GALNTL6: variants seen among roughly 807,000 people sequenced by gnomAD.
The protein encoded by GALNTL6 is polypeptide N-acetylgalactosaminyltransferase like 6, also known as polypeptide N-acetylgalactosaminyltransferase-like 6.
GALNTL6 carries 46 observed loss-of-function variants against 73.7 expected under a neutral mutation model. The observed-to-expected ratio is 0.62, with a 90% CI of 0.49 to 0.80. GALNTL6 has a LOEUF of 0.80. GALNTL6 is among the 30% of genes least tolerant of loss of function. The pLI is 0.00. For synonymous variants in GALNTL6, 259 were observed against 263.7 expected, an observed-to-expected ratio of 0.98 and a Z score of 0.17; for missense variants, 604 against 755.0, an observed-to-expected ratio of 0.80 and a Z score of 2.34.
chr4:171,901,247 T>G (rs1737084674), intron 2 of GALNTL6, among the ~76,000 whole-genome samples: 1 of 152,190 alleles, frequency 6.6e-6, no homozygotes, highest in Non-Finnish European at 1.5e-5. Context: ...GAATAAAATC[T>G]TGGTGACAAG....
chr4:172,100,931 G>A (rs1371876871), intron 2 of GALNTL6, among the ~76,000 whole-genome samples: 2 of 152,040 alleles, frequency 1.3e-5, no homozygotes, highest in Admixed American at 6.6e-5. Context: ...TTAAAATCTC[G>A]GGGCACAAAT....
chr4:172,737,881 AT>A (rs1258985871), intron 5 of GALNTL6, among the ~76,000 whole-genome samples: 1 of 152,102 alleles, frequency 6.6e-6, no homozygotes, highest in Non-Finnish European at 1.5e-5. Flanking sequence ...CCTGTCCCAA[AT>A]TGGGAAGGTC....
chr4:172,030,540 T>C (rs1468261082), intron 2 of GALNTL6, among the ~76,000 whole-genome samples: 1 of 151,754 alleles, frequency 6.6e-6, no homozygotes, highest in Non-Finnish European at 1.5e-5. Flanking sequence ...GCAAAACCCG[T>C]CTCTACCAAA....
chr4:171,923,683 G>A (rs1350292786), intron 2 of GALNTL6, among the ~76,000 whole-genome samples: 1 of 151,290 alleles, frequency 6.6e-6, no homozygotes, highest in Non-Finnish European at 1.5e-5. Context: ...TGGGATTACA[G>A]GTGTGGACCC....
At chr4:172,712,745 CA>C (rs1051573994) in intron 5 of GALNTL6, among the ~76,000 whole-genome samples, 1 of 152,156 alleles carries the variant, frequency 6.6e-6, no homozygotes, top group Non-Finnish European at 1.5e-5. Context: ...GCTTGTACAA[CA>C]AGGCCTGGAA....
At chr4:172,877,425 C>A (rs186457583) in intron 7 of GALNTL6, among the ~76,000 whole-genome samples, 1 of 152,074 alleles carries the variant, frequency 6.6e-6, no homozygotes, top group Admixed American at 6.5e-5. Context: ...GCATTAAGTA[C>A]TGTATCTTGG....
chr4:172,923,745 G>A (rs556566255), intron 8 of GALNTL6, among the ~76,000 whole-genome samples: 9 of 152,184 alleles, frequency 5.9e-5, no homozygotes, highest in African/African-American at 1.9e-4. Context: ...CACATGGCTG[G>A]GGAGGCCTCA....
intron 2 of GALNTL6, 65 bp from the exon 3 acceptor site, chr4:172,229,591 G>C (rs996498700): frequency 4.4e-6 from 4 of 901,870 alleles, no homozygotes; most frequent in Non-Finnish European, 7.3e-6. Flanking sequence ...GTGCCCGGCT[G>C]TGTTTACCTA....
intron 5 of GALNTL6, among the ~76,000 whole-genome samples, chr4:172,515,222 G>A (rs897753751): frequency 6.6e-6 from 1 of 152,202 alleles, no homozygotes; most frequent in African/African-American, 2.4e-5. Context: ...CAATTTAAAG[G>A]AATTCAGTTA....
intron 3 of GALNTL6, among the ~76,000 whole-genome samples, chr4:172,240,038 T>TG (rs1451320593): frequency 1.3e-5 from 2 of 152,206 alleles, no homozygotes; most frequent in Non-Finnish European, 2.9e-5. Flanking sequence ...GTATGTGTCT[T>TG]GGGGTTCTCT....
rs140019408 is a variant in GALNTL6, at chr4:172,860,214, T to C, written c.924-22576T>C. Among the ~76,000 whole-genome samples the C allele has an allele frequency of 1.1e-4, 16 of 152,280 alleles. No homozygotes were observed. The East Asian group carries it at 3.1e-3, about 29-fold the overall frequency. ...GCACATATATTGTTCACTGATGAGA[T>C]TGTAACCAATTTGAGGACACAGACT... On this transcript the variant is annotated intron_variant, in intron 7 of 12. Coordinates refer to ENST00000506823, the MANE Select transcript of GALNTL6 (RefSeq NM_001034845.3).
intron 2 of GALNTL6, among the ~76,000 whole-genome samples, chr4:171,950,325 T>A (rs942079265): frequency 6.6e-6 from 1 of 152,008 alleles, no homozygotes; most frequent in Non-Finnish European, 1.5e-5. Flanking sequence ...GTCTGAATCA[T>A]AACAAGGAAG....
At chr4:172,007,732 G>T (rs1400910155) in intron 2 of GALNTL6, among the ~76,000 whole-genome samples, 1 of 152,074 alleles carries the variant, frequency 6.6e-6, no homozygotes, top group Admixed American at 6.6e-5. Flanking sequence ...GCATTTAAAT[G>T]TAGATTATTA....
chr4:172,558,380 G>A (rs1200104117), intron 5 of GALNTL6, among the ~76,000 whole-genome samples: 2 of 152,118 alleles, frequency 1.3e-5, no homozygotes, highest in Admixed American at 6.5e-5. Flanking sequence ...GACTATATTT[G>A]GAGACAGGGC....
intron 5 of GALNTL6, among the ~76,000 whole-genome samples, chr4:172,393,116 C>A (rs944140349): frequency 6.6e-6 from 1 of 152,150 alleles, no homozygotes. Flanking sequence ...AAACCATCCC[C>A]CTTCCCGGGT....
At chr4:172,517,304 G>A (rs1050519778) in intron 5 of GALNTL6, among the ~76,000 whole-genome samples, 4 of 151,808 alleles carry the variant, frequency 2.6e-5, no homozygotes, top group Non-Finnish European at 5.9e-5. Flanking sequence ...GAGGGAGTTT[G>A]AGCCATGCAT....
intron 2 of GALNTL6, among the ~76,000 whole-genome samples, chr4:171,897,886 CA>C (rs1736973725): frequency 6.7e-6 from 1 of 149,616 alleles, no homozygotes. Context: ...GAGATCGTGC[CA>C]CTGCACTCCA....
chr4:172,906,582 G>T (rs1472973232), intron 8 of GALNTL6, among the ~76,000 whole-genome samples: 4 of 152,186 alleles, frequency 2.6e-5, no homozygotes, highest in African/African-American at 9.6e-5. Context: ...GTCCTTGCCT[G>T]GAAGCTCAAC....
chr4:171,895,651 T>C (rs1270359330), intron 2 of GALNTL6, among the ~76,000 whole-genome samples: 1 of 152,094 alleles, frequency 6.6e-6, no homozygotes, highest in African/African-American at 2.4e-5. Context: ...AAATGCAGTC[T>C]TATGTGACAT....
Sources: allele counts gnomAD v4.1 joint callset (sites outside exome capture counted in the v4.1 genomes callset), GRCh38; gene constraint gnomAD v4.1.1; transcripts MANE v1.5; gene names NCBI Gene and HGNC (gene_info 2026-07-23, HGNC 2026-07-21).